NSUN6: variants seen among roughly 807,000 people sequenced by gnomAD.
The protein encoded by NSUN6 is NOP2/Sun RNA methyltransferase 6.
NSUN6 carries 64 observed loss-of-function variants against 58.0 expected under a neutral mutation model. The ratio of observed to expected loss-of-function variants is 1.10; its 90% CI spans 0.90 to 1.36. The LOEUF (loss-of-function observed/expected upper bound fraction) is 1.36. Ranked by LOEUF, NSUN6 falls within the 40% of genes most tolerant of loss-of-function variation. NSUN6 has a pLI of 0.00. For synonymous variants in NSUN6, 231 were observed against 193.9 expected, an observed-to-expected ratio of 1.19 and a Z score of -1.59; for missense variants, 701 against 550.1, an observed-to-expected ratio of 1.27 and a Z score of -2.74.
chr10:18,651,755 C>T (rs2059713654), upstream of NSUN6: 1 of 985,506 alleles, frequency 1.0e-6, no homozygotes, highest in South Asian at 4.7e-5. Flanking sequence ...CCTAACCCTG[C>T]GTGAGGCTCT....
chr10:18,641,756 A>T lies in NSUN6; in HGVS notation c.311+720T>A, dbSNP rs372314253. Among the ~76,000 whole-genome samples, 5 of 152,336 alleles carry T rather than the reference A, an allele frequency of 3.3e-5. No individual in the cohort carries two copies. In the South Asian group the frequency reaches 1.0e-3, roughly 32 times the overall value. Reference sequence around the variant, plus strand: ...CATAAATGGGACACAGTAGTTTAACATAATTGTTGAATTATGAATAAAATT... The same window carrying T: ...CATAAATGGGACACAGTAGTTTAACTTAATTGTTGAATTATGAATAAAATT... On this transcript the variant is annotated intron_variant, in intron 3 of 10. Coordinates refer to ENST00000377304, the MANE Select transcript of NSUN6 (RefSeq NM_182543.5).
rs371575014 is a variant in NSUN6, at chr10:18,633,149, G to A, written c.311+9327C>T. ...GAAATCATCATTCTCAGTAAACTATGGCAAGAACAAAAAACCAAACACCGC... is the reference window on the plus strand; with the variant it reads ...GAAATCATCATTCTCAGTAAACTATAGCAAGAACAAAAAACCAAACACCGC... On this transcript the variant is annotated intron_variant, in intron 3 of 10. Transcript: ENST00000377304. Among the ~76,000 whole-genome samples the A allele has an allele frequency of 9.2e-5, 14 of 151,854 alleles. No homozygotes were observed. In the South Asian group the frequency reaches 2.1e-3, roughly 23 times the overall value.
At chr10:18,560,078 G>A (rs1448776007) in intron 8 of NSUN6, among the ~76,000 whole-genome samples, 3 of 150,428 alleles carry the variant, frequency 2.0e-5, no homozygotes, top group Non-Finnish European at 3.0e-5. Flanking sequence ...GGAATGGAAT[G>A]GAATGGAGAA....
At chr10:18,620,424 A>T (rs953887146) in intron 3 of NSUN6, among the ~76,000 whole-genome samples, 1 of 152,134 alleles carries the variant, frequency 6.6e-6, no homozygotes, top group Non-Finnish European at 1.5e-5. Context: ...ATGAAAAAAA[A>T]ATTCCTTGGT....
intron 8 of NSUN6, among the ~76,000 whole-genome samples, chr10:18,572,677 C>A (rs1423447621): frequency 6.6e-6 from 1 of 151,030 alleles, no homozygotes; most frequent in Admixed American, 6.6e-5. Context: ...ATTCTCCATT[C>A]TCTTCCATTC....
At chr10:18,642,940 A>G (rs1473977445) in intron 2 of NSUN6, among the ~76,000 whole-genome samples, 2 of 152,128 alleles carry the variant, frequency 1.3e-5, no homozygotes, top group Non-Finnish European at 2.9e-5. Context: ...TACCTAATAT[A>G]CACAATCAAC....
chr10:18,659,248 G>A (rs1426334806), upstream of NSUN6: 1 of 213,472 alleles, frequency 4.7e-6, no homozygotes, highest in Admixed American at 5.9e-5. Context: ...TGAAACCGAA[G>A]AAAACGCCAC....
chr10:18,636,358 TAAA>T (rs533141020), intron 3 of NSUN6, among the ~76,000 whole-genome samples: 1 of 129,132 alleles, frequency 7.7e-6, no homozygotes, highest in Non-Finnish European at 1.7e-5. Context: ...TTGACAATGT[TAAA>T]AAAAAAAAAA....
intron 3 of NSUN6, among the ~76,000 whole-genome samples, chr10:18,622,075 A>C (rs1173677419): frequency 2.0e-5 from 3 of 151,842 alleles, no homozygotes; most frequent in South Asian, 2.1e-4. Flanking sequence ...CACACACACA[A>C]AAATTGAAAT....
rs776341065 is a variant in NSUN6 at position 18,548,135 on chromosome 10, G to GA, written c.1173dup (p.Pro392SerfsTer25). On this transcript the variant is annotated frameshift_variant, in exon 10 of 11. Coordinates refer to ENST00000377304, the MANE Select transcript of NSUN6 (RefSeq NM_182543.5). LOFTEE classifies it high-confidence loss of function. Reference sequence around the variant, plus strand: ...ACCTGGGGCTGAAGCTGAAGGCAAGGAAATTTTGTCAGGGCCCAGGCAACC... The same window carrying GA: ...ACCTGGGGCTGAAGCTGAAGGCAAGGAAAATTTTGTCAGGGCCCAGGCAACC... 2 of 1,613,862 alleles carry GA rather than the reference G, an allele frequency of 1.2e-6. No homozygotes were observed. The highest frequency in any genetic ancestry group is 2.2e-5 in the South Asian group (2 of 91,030).
chr10:18,590,636 C>A (rs1485245847), intron 7 of NSUN6, among the ~76,000 whole-genome samples: 1 of 152,188 alleles, frequency 6.6e-6, no homozygotes, highest in Non-Finnish European at 1.5e-5. Flanking sequence ...GGAAATTGAA[C>A]AACTTGCTCC....
Position 18,549,017 on chromosome 10 carries a change from T to G in NSUN6, c.1072-780A>C, listed in dbSNP as rs2054452312. ...TTTTGCCTGGATTATTCCAACCGCC[T>G]CCTACTTCATCAACCTGCTTTATTC... On this transcript the variant is annotated intron_variant, in intron 9 of 10. Transcript: ENST00000377304. Among the ~76,000 whole-genome samples the G allele has an allele frequency of 2.6e-5, 4 of 152,264 alleles. No homozygotes were observed. The South Asian group carries it at 8.3e-4, about 32-fold the overall frequency.
intron 3 of NSUN6, among the ~76,000 whole-genome samples, chr10:18,621,706 A>T (rs143771036): frequency 6.6e-6 from 1 of 152,332 alleles, no homozygotes; most frequent in Non-Finnish European, 1.5e-5. Flanking sequence ...CTAGATTGAG[A>T]GAAAAGTATT....
chr10:18,625,151 C>G (rs1172352895), intron 3 of NSUN6, among the ~76,000 whole-genome samples: 1 of 152,152 alleles, frequency 6.6e-6, no homozygotes, highest in Non-Finnish European at 1.5e-5. Context: ...CCTCTTTTCC[C>G]TTGCTGGTTT....
chr10:18,615,126 T>TAC lies in NSUN6; in HGVS notation c.422-514_422-513insGT, dbSNP rs1275566725. The stretch of plus-strand genomic sequence containing the variant: ...TCATTCATATATATATATATATATA[T>TAC]ATACACACACATATAGGCACACATA... On this transcript the variant is annotated intron_variant, in intron 4 of 10. Transcript: ENST00000377304. 4.2e-4 allele frequency among the ~76,000 whole-genome samples: 61 copies of TAC among 146,846 alleles called. No individual in the cohort carries two copies. The South Asian group carries it at 0.011, about 25-fold the overall frequency.
At chr10:18,634,930 C>A (rs1040403509) in intron 3 of NSUN6, among the ~76,000 whole-genome samples, 3 of 152,142 alleles carry the variant, frequency 2.0e-5, no homozygotes, top group African/African-American at 7.2e-5. Context: ...AGCTAAGCAG[C>A]TAGAAACTGG....
chr10:18,589,363 G>A (rs943047815), intron 7 of NSUN6, among the ~76,000 whole-genome samples: 3 of 152,116 alleles, frequency 2.0e-5, no homozygotes, highest in Non-Finnish European at 4.4e-5. Flanking sequence ...TCATCCAGAA[G>A]AACTTCCCCA....
At chr10:18,637,150 A>G (rs1340354560) in intron 3 of NSUN6, among the ~76,000 whole-genome samples, 1 of 151,902 alleles carries the variant, frequency 6.6e-6, no homozygotes, top group East Asian at 2.0e-4. Flanking sequence ...TATAGTAGAG[A>G]CAGGGTTTCA....
At chr10:18,643,583 T>C (rs1590186145) in intron 2 of NSUN6, among the ~76,000 whole-genome samples, 1 of 152,202 alleles carries the variant, frequency 6.6e-6, no homozygotes, top group Non-Finnish European at 1.5e-5. Flanking sequence ...TCACCAGCTC[T>C]CTGAACTTCT....
Sources: gnomAD v4.1 joint callset for allele counts (sites outside exome capture counted in the v4.1 genomes callset) on GRCh38, gnomAD v4.1.1 for gene constraint, MANE v1.5 for transcripts, NCBI Gene and HGNC (gene_info 2026-07-23, HGNC 2026-07-21) for gene names.